Variants in ANO3 observed in about 807,000 individuals in gnomAD.
ANO3 encodes the protein anoctamin 3.
A neutral mutation model predicts 144.8 loss-of-function variants in ANO3; 99 were observed. The ratio of observed to expected loss-of-function variants is 0.68; its 90% confidence interval spans 0.58 to 0.81. The LOEUF is 0.81. Among genes scored for constraint, ANO3 ranks in the 30% least tolerant of loss-of-function variants. The probability of loss-of-function intolerance (pLI) is 0.00; values close to 1 mark genes in which losing one functional copy is unlikely to be tolerated. For synonymous variants in ANO3, 414 were observed against 392.6 expected, an observed-to-expected ratio of 1.05 and a Z score of -0.64; for missense variants, 905 against 1,202.2, an observed-to-expected ratio of 0.75 and a Z score of 3.66.
At chr11:26,583,803 A>G (rs1247828419) in intron 14 of ANO3, among the ~76,000 whole-genome samples, 1 of 152,206 alleles carries the variant, frequency 6.6e-6, no homozygotes, top group Non-Finnish European at 1.5e-5. Context: ...GAGGAGTCTT[A>G]AGTAGTACTT....
intron 1 of ANO3, among the ~76,000 whole-genome samples, chr11:26,253,712 C>G (rs1446594759): frequency 2.6e-5 from 4 of 152,040 alleles, no homozygotes; most frequent in Non-Finnish European, 4.4e-5. Context: ...GAGTCTTATC[C>G]ATGGCCAACA....
intron 1 of ANO3, among the ~76,000 whole-genome samples, chr11:26,370,526 G>GT (rs1856219710): frequency 6.6e-6 from 1 of 152,150 alleles, no homozygotes; most frequent in Non-Finnish European, 1.5e-5. Context: ...CTGGGTAACA[G>GT]GTAGAGGTTG....
chr11:26,657,677 A>AC (rs1853733342), intron 26 of ANO3, among the ~76,000 whole-genome samples: 1 of 123,302 alleles, frequency 8.1e-6, no homozygotes, highest in Non-Finnish European at 2.0e-5. Context: ...GTGTTTGTTT[A>AC]CAAAAAAAAT....
At position 26,442,061 on chromosome 11, in the gene ANO3, T is replaced by A; in HGVS notation, c.190T>A (p.Ser64Thr). 1 of 1,614,114 alleles carries A rather than the reference T, an allele frequency of 6.2e-7. No individual in the cohort carries two copies. Among genetic ancestry groups the A allele is most frequent in the South Asian group, 1.1e-5 (1 of 91,078 alleles). ...CCTCTTCCAGTCAACCGAGAGTGAA[T>A]CTCAGGCTCCCACATCTATAACCTT... ...TSLFQSTESE[S>T]QAPTSITLIS... The change falls in exon 2 of 27, where the codon TCT becomes ACT. Residue 64 changes from serine to threonine, a missense_variant. Physicochemically the swap from Ser to Thr is moderately conservative, Grantham distance 58 (BLOSUM62 1). Coordinates refer to ENST00000256737, the MANE Select transcript of ANO3 (RefSeq NM_031418.4).
chr11:26,493,217 A>G (rs1417620573), intron 4 of ANO3, among the ~76,000 whole-genome samples: 1 of 152,154 alleles, frequency 6.6e-6, no homozygotes, highest in Non-Finnish European at 1.5e-5. Flanking sequence ...AGTAGTGTTA[A>G]GTACATTAGG....
At position 26,383,888 on chromosome 11, in the gene ANO3, CT is replaced by C. The variant is rs61094091; in HGVS notation, c.46+51594del. 6.5e-3 allele frequency among the ~76,000 whole-genome samples: 454 copies of C among 70,120 alleles called. 1 individual carries two copies. The highest frequency in any genetic ancestry group is 0.024 in the African/African-American group (430 of 17,694). 46.0% of individuals were successfully genotyped at this position (70,120 alleles called of 152,430 possible). On this transcript the variant is annotated intron_variant, in intron 1 of 26. Coordinates refer to ENST00000256737, the MANE Select transcript of ANO3 (RefSeq NM_031418.4). ...CATTGTTCTTGTGCCATGCATTGTT[CT>C]TTTTTTTTTTTTTTTTTTTTTTTTT...
At chr11:26,597,714 T>C (rs143623268) in intron 14 of ANO3, among the ~76,000 whole-genome samples, 134 of 152,314 alleles carry the variant, frequency 8.8e-4, no homozygotes, top group Non-Finnish European at 1.5e-3. Context: ...TGTGAGTTCT[T>C]AGTTGTGTCC....
At chr11:26,542,731 T>C (rs1205402898) in intron 11 of ANO3, among the ~76,000 whole-genome samples, 22 of 152,164 alleles carry the variant, frequency 1.4e-4, no homozygotes. Context: ...TGAAATATTG[T>C]TGTATTCACG....
intron 1 of ANO3, among the ~76,000 whole-genome samples, chr11:26,220,866 T>C (rs1011339220): frequency 1.3e-5 from 2 of 152,160 alleles, no homozygotes; most frequent in Non-Finnish European, 2.9e-5. Flanking sequence ...CTGATATCCA[T>C]CAGCTTTCAA....
At chr11:26,317,345 T>A (rs563352572) in intron 1 of ANO3, among the ~76,000 whole-genome samples, 1 of 151,704 alleles carries the variant, frequency 6.6e-6, no homozygotes, top group East Asian at 1.9e-4. Flanking sequence ...TGGGAGAAAA[T>A]TTTTGCAATC....
At chr11:26,656,663 A>G (rs969190226) in intron 26 of ANO3, among the ~76,000 whole-genome samples, 182 bp downstream of exon 26, 1 of 152,176 alleles carries the variant, frequency 6.6e-6, no homozygotes, top group Non-Finnish European at 1.5e-5. Context: ...GAATAATGTA[A>G]GAGTGTACAT....
intron 17 of ANO3, among the ~76,000 whole-genome samples, chr11:26,618,029 C>T (rs395877): frequency 0.13 from 19,863 of 152,124 alleles, 1,519 homozygotes; most frequent in Admixed American, 0.22. Flanking sequence ...CAGACCAAAA[C>T]TAAATATGCA....
At chr11:26,609,652 T>A (rs1381067021) in intron 17 of ANO3, among the ~76,000 whole-genome samples, 1 of 152,046 alleles carries the variant, frequency 6.6e-6, no homozygotes, top group Non-Finnish European at 1.5e-5. Context: ...TTGAAGGACA[T>A]GTGTTGATTC....
At chr11:26,280,441 G>A (rs566678941) in intron 1 of ANO3, among the ~76,000 whole-genome samples, 8 of 152,270 alleles carry the variant, frequency 5.3e-5, no homozygotes, top group Non-Finnish European at 7.4e-5. Flanking sequence ...AAGCCAGTCC[G>A]AGTCCCAAAG....
intron 18 of ANO3, among the ~76,000 whole-genome samples, chr11:26,631,441 G>T (rs1852777118): frequency 6.6e-6 from 1 of 151,976 alleles, no homozygotes; most frequent in Admixed American, 6.6e-5. Context: ...AAATAGAGAA[G>T]AAAAGATGAA....
chr11:26,419,831 AAT>A (rs1857700181), intron 1 of ANO3, among the ~76,000 whole-genome samples: 1 of 152,136 alleles, frequency 6.6e-6, no homozygotes, highest in South Asian at 2.1e-4. Flanking sequence ...ACTATGAAAC[AAT>A]ATGTGTGATT....
intron 1 of ANO3, among the ~76,000 whole-genome samples, chr11:26,359,483 G>A (rs962248014): frequency 3.9e-5 from 6 of 152,104 alleles, no homozygotes; most frequent in Non-Finnish European, 8.8e-5. Context: ...GATCATACAC[G>A]TATGTACATG....
At chr11:26,333,749 A>T (rs984026749) in intron 1 of ANO3, among the ~76,000 whole-genome samples, 8 of 152,238 alleles carry the variant, frequency 5.3e-5, no homozygotes, top group African/African-American at 1.7e-4. Flanking sequence ...ATATGTTGAA[A>T]TTGGGAGTGA....
At chr11:26,301,940 G>A (rs1485195942) in intron 1 of ANO3, among the ~76,000 whole-genome samples, 2 of 152,168 alleles carry the variant, frequency 1.3e-5, no homozygotes, top group East Asian at 1.9e-4. Context: ...TTTTAGAAGA[G>A]CATTTATGGT....
Sources: gnomAD v4.1 joint callset for allele counts (sites outside exome capture counted in the v4.1 genomes callset) on GRCh38, gnomAD v4.1.1 for gene constraint, MANE v1.5 for transcripts, NCBI Gene and HGNC (gene_info 2026-07-23, HGNC 2026-07-21) for gene names.